TMC6: variants seen among roughly 807,000 people sequenced by gnomAD.
TMC6 encodes transmembrane channel-like protein 6.
A neutral mutation model predicts 95.4 loss-of-function variants in TMC6; 71 were observed. That is an observed-to-expected ratio of 0.74 (90% CI 0.61 to 0.91). The LOEUF is 0.91. TMC6 is among the 40% of genes least tolerant of loss of function. The probability of loss-of-function intolerance (pLI) is 0.00; values close to 1 mark genes in which losing one functional copy is unlikely to be tolerated. For missense variants in TMC6, 1,074 were observed against 1,079.1 expected (o/e 1.00, Z 0.07); for synonymous variants, 514 against 483.1 (o/e 1.06, Z -0.84).
chr17:78,122,637 G>T lies in TMC6; in HGVS notation c.1195C>A (p.Leu399Ile). Residue 399 changes from leucine to isoleucine, a missense_variant, in exon 10 of 20, where the codon CTC becomes ATC. Physicochemically the swap from Leu to Ile is conservative, Grantham distance 5. Coordinates refer to ENST00000590602, the MANE Select transcript of TMC6 (RefSeq NM_001127198.5). The surrounding 1 kb of genome is among the most constrained non-coding windows in gnomAD (Gnocchi z 4.9). The stretch of plus-strand genomic sequence containing the variant: ...CGGGTGCGAATATTGTCCTGCTGGA[G>T]GCGGGAGGCCCGCTTCTGCGTCACC... Reference protein sequence around the residue: ...YKVTQKRASRLQQDNIRTRLK... With the variant: ...YKVTQKRASRIQQDNIRTRLK... 1 of 1,612,084 alleles carries T rather than the reference G, an allele frequency of 6.2e-7. No individual in the cohort carries two copies.
At chr17:78,119,645 T>C in intron 13 of TMC6, 3 of 547,076 alleles carry the variant, frequency 5.5e-6, no homozygotes, top group Non-Finnish European at 9.9e-6. Flanking sequence ...AATGATTTTT[T>C]CTTTTTTGAA....
chr17:78,116,432 C>G (rs755482097), intron 18 of TMC6, among the ~76,000 whole-genome samples: 1 of 152,048 alleles, frequency 6.6e-6, no homozygotes, highest in East Asian at 1.9e-4. Flanking sequence ...ACCACCACAC[C>G]CAGCTAACTT....
At position 78,118,910 on chromosome 17, in the gene TMC6, T is replaced by C. The variant is rs570060733; in HGVS notation, c.1887+61A>G. On this transcript the variant is annotated intron_variant, in intron 15 of 19. Transcript: ENST00000590602. ...GTGTCCCAGGCTCTGCCCAGCTGAGTCCTGCCCCCACTGCCGGCCACCCTG... is the reference window on the plus strand; with the variant it reads ...GTGTCCCAGGCTCTGCCCAGCTGAGCCCTGCCCCCACTGCCGGCCACCCTG... The C allele has an allele frequency of 1.1e-4, 166 of 1,526,328 alleles. 1 individual carries two copies. The East Asian group carries it at 3.0e-3, about 28-fold the overall frequency. 94.5% of individuals were successfully genotyped at this position (1,526,328 alleles called of 1,614,324 possible).
chr17:78,131,774 G>GC, upstream of TMC6: 1 of 1,559,700 alleles, frequency 6.4e-7, no homozygotes, highest in Non-Finnish European at 8.7e-7. Context: ...TGCGTGGGGG[G>GC]GGTGCTGCGA....
intron 1 of TMC6, among the ~76,000 whole-genome samples, chr17:78,127,948 C>G (rs1414029127): frequency 6.6e-6 from 1 of 152,212 alleles, no homozygotes; most frequent in Non-Finnish European, 1.5e-5. Flanking sequence ...GCGGCCCCAC[C>G]CAGCCTAACA....
intron 15 of TMC6, among the ~76,000 whole-genome samples, chr17:78,118,534 C>T (rs937990450): frequency 1.3e-5 from 2 of 149,678 alleles, no homozygotes; most frequent in South Asian, 2.1e-4. Context: ...CCAGCCTGGG[C>T]GACAAAGCAA....
upstream of TMC6, chr17:78,132,023 G>T: frequency 2.0e-6 from 3 of 1,533,928 alleles, no homozygotes; most frequent in Non-Finnish European, 2.6e-6. Context: ...CGCTCTACGA[G>T]ATCGGGGGTA....
rs1194070616 is a variant in TMC6 at position 78,110,172 on chromosome 17, G to A, written c.*2976C>T. The A allele has an allele frequency of 6.6e-6, 1 of 152,640 alleles. No individual in the cohort carries two copies. Among genetic ancestry groups the A allele is most frequent in the Non-Finnish European group, 1.5e-5 (1 of 68,622 alleles). The allele number at this position is 152,640 out of a possible 1,614,324, so 9.5% of individuals were successfully genotyped here. ...GGGCCTCAGGCACCAGTGTTTTTTT[G>A]TTTGTTGGGACAGGGTCTTGCCATT... On this transcript the variant is annotated 3_prime_UTR_variant, in exon 20 of 20. Transcript: ENST00000590602.
intron 14 of TMC6, 87 bp downstream of exon 14, chr17:78,119,210 C>G: frequency 6.4e-7 from 1 of 1,567,156 alleles, no homozygotes. Flanking sequence ...GGCTGTGGCC[C>G]CAGGGGGAGG....
At position 78,124,779 on chromosome 17, in the gene TMC6, G is replaced by C; in HGVS notation, c.636C>G (p.Ala212=). Residue 212 remains alanine, a splice_region_variant and synonymous_variant, in exon 8 of 20, where the codon GCC becomes GCG. Coordinates refer to ENST00000590602, the MANE Select transcript of TMC6 (RefSeq NM_001127198.5). ...CGRLRYACVL[A]LHSLGLALLS... is the part of the protein sequence containing the mutation. ...GCAGCGCCAGGCCCAGGCTGTGCAA[G>C]GCCTGCGGGCACAGGCAGAGAGGCC... is the stretch of plus-strand genomic sequence containing the variant. The C allele has an allele frequency of 6.3e-7, 1 of 1,581,162 alleles. No individual in the cohort carries two copies. The highest frequency in any genetic ancestry group is 8.6e-7 in the Non-Finnish European group (1 of 1,164,348).
chr17:78,120,723 G>T lies in TMC6; in HGVS notation c.1645C>A (p.Leu549Met), dbSNP rs1436557187. The change falls in exon 13 of 20, where the codon CTG (leucine) becomes ATG (methionine). Residue 549 changes from leucine to methionine, a missense_variant. By Grantham distance (15) the Leu-to-Met change is conservative. Coordinates refer to ENST00000590602, the MANE Select transcript of TMC6 (RefSeq NM_001127198.5). The stretch of plus-strand genomic sequence containing the variant: ...AAGTCCATCACCAGGAACCGGTACA[G>T]CTCCTGGCCCACAAAATCCTCCCAG... ...QCWEDFVGQE[L>M]YRFLVMDFVL... The T allele has an allele frequency of 6.2e-7, 1 of 1,613,982 alleles. No homozygotes were observed. Among genetic ancestry groups the T allele is most frequent in the South Asian group, 1.1e-5 (1 of 91,090 alleles).
rs560139431 is a variant in TMC6, at chr17:78,121,513, G to A, written c.1383+43C>T. On this transcript the variant is annotated intron_variant, in intron 11 of 19. Coordinates refer to ENST00000590602, the MANE Select transcript of TMC6 (RefSeq NM_001127198.5). The surrounding 1 kb of genome is among the most constrained non-coding windows in gnomAD (Gnocchi z 5.6). ...GGGGGCAGGTGCCCAGAGTCACTGG[G>A]GACACGTTCCAAGCAAGGGCCAGGC... 3 of 1,610,248 alleles carry A rather than the reference G, an allele frequency of 1.9e-6. No individual in the cohort carries two copies. In the South Asian group the frequency reaches 3.3e-5, roughly 18 times the overall value.
At chr17:78,113,275 G>C in intron 19 of TMC6, 64 bp from the exon 20 acceptor site, 1 of 1,518,098 alleles carries the variant, frequency 6.6e-7, no homozygotes, top group Non-Finnish European at 8.9e-7. Context: ...ACCTGGCTGG[G>C]CGCAGCCAAG....
In TMC6 at chr17:78,120,644, C is replaced by T. The variant is rs757906231; in HGVS notation, c.1715+9G>A. ...CACTCACCACCCAGTCCGCCCAGGA[C>T]CCCCTCACCTCCACACCAGTTCCCC... On this transcript the variant is annotated intron_variant, in intron 13 of 19. Coordinates refer to ENST00000590602, the MANE Select transcript of TMC6 (RefSeq NM_001127198.5). The T allele has an allele frequency of 6.2e-6, 10 of 1,613,946 alleles. No homozygotes were observed. The highest frequency in any genetic ancestry group is 8.5e-6 in the Non-Finnish European group (10 of 1,179,954).
chr17:78,113,295 G>C (rs1332785580), intron 19 of TMC6, 84 bp from the exon 20 acceptor site: 1 of 1,460,164 alleles, frequency 6.8e-7, no homozygotes, highest in Non-Finnish European at 9.3e-7. Flanking sequence ...GGCCCGGCGA[G>C]GGACAGGCCA....
intron 18 of TMC6, 49 bp downstream of exon 18, chr17:78,117,220 G>A: frequency 6.3e-7 from 1 of 1,597,496 alleles, no homozygotes; most frequent in African/African-American, 1.3e-5. Flanking sequence ...GTCACCCTCA[G>A]GTGACCTGAG....
At chr17:78,130,221 G>A (rs2074926166), upstream of TMC6, among the ~76,000 whole-genome samples, 2 of 152,180 alleles carry the variant, frequency 1.3e-5, no homozygotes, top group Admixed American at 1.3e-4. Context: ...CAACCATAAC[G>A]CCAATGACAG....
In TMC6 at chr17:78,121,197, C is replaced by G. The variant is rs1023606619; in HGVS notation, c.1384-33G>C. 10 of 1,558,354 alleles carry G rather than the reference C, an allele frequency of 6.4e-6. No homozygotes were observed. Among genetic ancestry groups the G allele is most frequent in the Non-Finnish European group, 8.7e-6 (10 of 1,153,304 alleles). On this transcript the variant is annotated intron_variant, in intron 11 of 19. Coordinates refer to ENST00000590602, the MANE Select transcript of TMC6 (RefSeq NM_001127198.5). This position sits in a 1 kb window ranked among gnomAD's most constrained non-coding sequence, Gnocchi z 5.6. ...GGTGCAGGGAGCGGTGTCATGGAAG[C>G]CCCCCATCCATGGTGGGAGCGGGCA...
In TMC6 at chr17:78,122,799, G is replaced by A; in HGVS notation, c.1083-50C>T. Reference sequence around the variant, plus strand: ...GGCAACCAACAAGCTGACGGGCAGAGGCCAAGGGGAGAAGGCAGACCGGAT... The same window carrying A: ...GGCAACCAACAAGCTGACGGGCAGAAGCCAAGGGGAGAAGGCAGACCGGAT... On this transcript the variant is annotated intron_variant, in intron 9 of 19. Transcript: ENST00000590602. The surrounding 1 kb of genome is among the most constrained non-coding windows in gnomAD (Gnocchi z 4.9). The A allele has an allele frequency of 3.1e-6, 5 of 1,590,352 alleles. No individual in the cohort carries two copies. Among genetic ancestry groups the A allele is most frequent in the Non-Finnish European group, 4.3e-6 (5 of 1,172,438 alleles).
Sources: gnomAD v4.1 joint callset for allele counts (sites outside exome capture counted in the v4.1 genomes callset) on GRCh38, gnomAD v4.1.1 for gene constraint, Gnocchi (gnomAD v3.1) non-coding constraint, MANE v1.5 for transcripts, NCBI Gene and HGNC (gene_info 2026-07-23, HGNC 2026-07-21) for gene names.